MDFIC2: variants seen among roughly 807,000 people sequenced by gnomAD.
The protein encoded by MDFIC2 is myoD family inhibitor domain-containing protein 2.
At chr3:70,307,885 C>T (rs1459693528) in intron 2 of MDFIC2, among the ~76,000 whole-genome samples, 1 of 152,124 alleles carries the variant, frequency 6.6e-6, no homozygotes, top group Non-Finnish European at 1.5e-5. Flanking sequence ...GCCAATATGC[C>T]CATTTCCCTA....
rs188409476 is a variant in MDFIC2 at position 70,232,860 on chromosome 3, C to A, written c.89-26070G>T. Among the ~76,000 whole-genome samples the A allele has an allele frequency of 3.8e-3, 582 of 152,202 alleles. 4 individuals carry two copies. The highest frequency in any genetic ancestry group is 0.014 in the African/African-American group (563 of 41,546). On this transcript the variant is annotated intron_variant, in intron 2 of 3. Transcript: ENST00000567252. ...TTTGTACAGAAAGAAGGAAAAAAAT[C>A]TTGCCATTTCTAAAATCATAAGTGC...
intron 3 of MDFIC2, among the ~76,000 whole-genome samples, chr3:70,202,568 A>G (rs1016920109): frequency 6.6e-6 from 1 of 152,292 alleles, no homozygotes; most frequent in African/African-American, 2.4e-5. Flanking sequence ...AATCACTGCT[A>G]TTGAAGTGCC....
At chr3:70,198,383 C>T (rs918090175) in intron 3 of MDFIC2, among the ~76,000 whole-genome samples, 5 of 152,170 alleles carry the variant, frequency 3.3e-5, no homozygotes, top group Admixed American at 2.0e-4. Flanking sequence ...CTCTTATCGC[C>T]GTATTCATTT....
intron 2 of MDFIC2, among the ~76,000 whole-genome samples, chr3:70,251,067 G>A (rs897892399): frequency 1.4e-4 from 22 of 152,224 alleles, no homozygotes; most frequent in African/African-American, 3.9e-4. Flanking sequence ...CGGTTGAATC[G>A]TATTCATTAA....
At chr3:70,202,631 C>G (rs1308103597) in intron 3 of MDFIC2, among the ~76,000 whole-genome samples, 1 of 152,072 alleles carries the variant, frequency 6.6e-6, no homozygotes, top group Non-Finnish European at 1.5e-5. Context: ...TAAGATGGAT[C>G]AGAGACCTGC....
chr3:70,211,301 C>G (rs1354437759), intron 2 of MDFIC2, among the ~76,000 whole-genome samples: 1 of 121,878 alleles, frequency 8.2e-6, no homozygotes, highest in East Asian at 2.8e-4. Flanking sequence ...CTTCCCTTCC[C>G]TTTGCCTTTC....
chr3:70,275,867 G>A (rs6775159), intron 2 of MDFIC2, among the ~76,000 whole-genome samples: 3,751 of 152,112 alleles, frequency 0.025, 161 homozygotes, highest in African/African-American at 0.085. Context: ...ATGTTGTACC[G>A]TGTGTTTAAT....
intron 3 of MDFIC2, among the ~76,000 whole-genome samples, chr3:70,201,231 C>T (rs1377934391): frequency 2.6e-5 from 4 of 152,052 alleles, no homozygotes; most frequent in East Asian, 1.9e-4. Flanking sequence ...CATTGTGTGT[C>T]GTTCCCCTCT....
At chr3:70,297,748 G>T (rs1702303833) in intron 2 of MDFIC2, among the ~76,000 whole-genome samples, 1 of 151,844 alleles carries the variant, frequency 6.6e-6, no homozygotes, top group Admixed American at 6.6e-5. Context: ...TAAGAAGTCA[G>T]GTAATTTGTA....
At chr3:70,297,533 T>C (rs904752258) in intron 2 of MDFIC2, among the ~76,000 whole-genome samples, 4 of 152,158 alleles carry the variant, frequency 2.6e-5, no homozygotes, top group Admixed American at 2.0e-4. Context: ...TGAAGGCTTA[T>C]TATTGCATAT....
chr3:70,251,330 A>AT, intron 2 of MDFIC2, among the ~76,000 whole-genome samples: 1 of 152,206 alleles, frequency 6.6e-6, no homozygotes, highest in African/African-American at 2.4e-5. Context: ...TTCAGTCTTC[A>AT]TTTTCTATGT....
At chr3:70,266,192 TG>T (rs1359137545) in intron 2 of MDFIC2, among the ~76,000 whole-genome samples, 4 of 152,190 alleles carry the variant, frequency 2.6e-5, no homozygotes, top group African/African-American at 9.7e-5. Context: ...CAAACATTTA[TG>T]TTTTTTTATT....
intron 3 of MDFIC2, among the ~76,000 whole-genome samples, chr3:70,202,898 C>T (rs941818811): frequency 6.6e-6 from 1 of 152,032 alleles, no homozygotes; most frequent in Non-Finnish European, 1.5e-5. Flanking sequence ...GAAAAGGTGG[C>T]AATCCAAGGA....
chr3:70,294,338 T>C (rs1364465158), intron 2 of MDFIC2, among the ~76,000 whole-genome samples: 1 of 152,174 alleles, frequency 6.6e-6, no homozygotes, highest in East Asian at 1.9e-4. Context: ...CAAGAAGTAA[T>C]GATACTTAGA....
At chr3:70,238,580 C>T (rs1701635898) in intron 2 of MDFIC2, among the ~76,000 whole-genome samples, 1 of 151,862 alleles carries the variant, frequency 6.6e-6, no homozygotes, top group South Asian at 2.1e-4. Context: ...CCACTGTACT[C>T]CAGCCTGGAT....
intron 2 of MDFIC2, among the ~76,000 whole-genome samples, chr3:70,248,390 A>T (rs1701728873): frequency 6.6e-6 from 1 of 152,128 alleles, no homozygotes; most frequent in Non-Finnish European, 1.5e-5. Flanking sequence ...AAAATTGCCA[A>T]AAAGTGTTGG....
At chr3:70,219,479 C>A (rs1268797903) in intron 2 of MDFIC2, among the ~76,000 whole-genome samples, 1 of 151,954 alleles carries the variant, frequency 6.6e-6, no homozygotes, top group South Asian at 2.1e-4. Context: ...TAATTTGTTA[C>A]CATAAACAGA....
chr3:70,311,858 A>G (rs568385427), intron 2 of MDFIC2, 28 bp downstream of exon 2: 61 of 397,400 alleles, frequency 1.5e-4, no homozygotes, highest in Non-Finnish European at 2.5e-4. Flanking sequence ...TTTCACACCA[A>G]TAGAAAATCA....
At chr3:70,301,613 GTTTGT>G (rs1414193419) in intron 2 of MDFIC2, among the ~76,000 whole-genome samples, 3 of 152,008 alleles carry the variant, frequency 2.0e-5, no homozygotes, top group Non-Finnish European at 4.4e-5. Context: ...AGTAGGAATG[GTTTGT>G]TTTATCAATC....
Sources: gnomAD v4.1 joint callset for allele counts (sites outside exome capture counted in the v4.1 genomes callset) on GRCh38, gnomAD v4.1.1 for gene constraint, MANE v1.5 for transcripts, NCBI Gene and HGNC (gene_info 2026-07-23, HGNC 2026-07-21) for gene names.